Variants in GPC5 observed in about 807,000 individuals in gnomAD.
GPC5 encodes glypican-5.
A neutral mutation model predicts 53.9 loss-of-function variants in GPC5; 47 were observed. That is an observed-to-expected ratio of 0.87 (90% CI 0.69 to 1.11). The LOEUF (loss-of-function observed/expected upper bound fraction) is 1.11, where lower values mean the gene tolerates loss of function less well. Ranked by LOEUF, GPC5 falls within the 50% of genes most tolerant of loss-of-function variation. GPC5 has a pLI of 0.00. For synonymous variants in GPC5, 286 were observed against 263.3 expected (o/e 1.09, Z -0.84); for missense variants, 748 against 713.1 (o/e 1.05, Z -0.56).
chr13:92,164,446 A>C (rs2042012615), intron 7 of GPC5, among the ~76,000 whole-genome samples: 1 of 152,172 alleles, frequency 6.6e-6, no homozygotes, highest in Non-Finnish European at 1.5e-5. Context: ...GCAGTCATTT[A>C]ATCTTAAAAT....
intron 7 of GPC5, among the ~76,000 whole-genome samples, chr13:92,752,820 AC>A (rs1874637066): frequency 6.6e-6 from 1 of 152,136 alleles, no homozygotes; most frequent in Non-Finnish European, 1.5e-5. Context: ...TATATCCTGC[AC>A]CTGGCTCGGA....
intron 6 of GPC5, among the ~76,000 whole-genome samples, chr13:92,045,934 C>A (rs866418361): frequency 4.6e-5 from 7 of 152,188 alleles, no homozygotes; most frequent in Non-Finnish European, 8.8e-5. Context: ...ATGCCTGAAA[C>A]CCCGTCTCTA....
chr13:91,439,473 C>T (rs192785564), intron 1 of GPC5, among the ~76,000 whole-genome samples: 17 of 152,256 alleles, frequency 1.1e-4, no homozygotes, highest in Admixed American at 3.9e-4. Flanking sequence ...TTTCAAGTGC[C>T]CCAGTTTATA....
chr13:92,751,930 C>T (rs1889415271), intron 7 of GPC5, among the ~76,000 whole-genome samples: 4 of 151,916 alleles, frequency 2.6e-5, no homozygotes, highest in Admixed American at 2.6e-4. Context: ...TGGATCTACT[C>T]GTTTTCAGTT....
chr13:91,965,595 C>G (rs2040173058), intron 6 of GPC5, among the ~76,000 whole-genome samples: 1 of 152,018 alleles, frequency 6.6e-6, no homozygotes, highest in African/African-American at 2.4e-5. Flanking sequence ...GGGATTTTAG[C>G]CAAAGTAAAT....
chr13:92,251,600 A>G (rs2042693150), intron 7 of GPC5, among the ~76,000 whole-genome samples: 1 of 152,070 alleles, frequency 6.6e-6, no homozygotes, highest in South Asian at 2.1e-4. Flanking sequence ...TTCAGTTATA[A>G]AATTAGCTTT....
chr13:92,149,640 C>T (rs1427392414), intron 7 of GPC5, among the ~76,000 whole-genome samples: 3 of 151,804 alleles, frequency 2.0e-5, no homozygotes, highest in South Asian at 2.1e-4. Flanking sequence ...CTTTACTAGC[C>T]GCTGAAGAAT....
At chr13:91,449,622 G>A (rs1157301459) in intron 2 of GPC5, among the ~76,000 whole-genome samples, 1 of 152,106 alleles carries the variant, frequency 6.6e-6, no homozygotes, top group Non-Finnish European at 1.5e-5. Flanking sequence ...ATATATCAAA[G>A]TGCAAGCAAG....
At chr13:91,848,540 T>A (rs1433391859) in intron 5 of GPC5, among the ~76,000 whole-genome samples, 3 of 151,908 alleles carry the variant, frequency 2.0e-5, no homozygotes, top group Non-Finnish European at 4.4e-5. Context: ...CCTATAAGAG[T>A]TAGAAGAACA....
At position 91,829,800 on chromosome 13, in the gene GPC5, C is replaced by T. The variant is rs188064107; in HGVS notation, c.1280+73380C>T. Among the ~76,000 whole-genome samples, 361 of 152,108 alleles carry T rather than the reference C, an allele frequency of 2.4e-3. 2 individuals carry two copies. Among genetic ancestry groups the T allele is most frequent in the Non-Finnish European group, 3.8e-3 (256 of 67,976 alleles). ...GATGCCCCACAAGCCATAAAACCAG[C>T]AAGTTTTTATTAGGGACTTTCAAAA... On this transcript the variant is annotated intron_variant, in intron 5 of 7. Transcript: ENST00000377067.
chr13:91,900,941 C>G (rs764068446), intron 5 of GPC5, among the ~76,000 whole-genome samples: 62 of 152,028 alleles, frequency 4.1e-4, no homozygotes, highest in Non-Finnish European at 7.1e-4. Flanking sequence ...TAGATTCACG[C>G]CTTGCCAAAT....
At chr13:92,357,737 G>A (rs571286489) in intron 7 of GPC5, among the ~76,000 whole-genome samples, 28 of 151,676 alleles carry the variant, frequency 1.8e-4, no homozygotes, top group Non-Finnish European at 2.5e-4. Flanking sequence ...AGAAGAGAGA[G>A]AGGAGAGGTG....
intron 7 of GPC5, among the ~76,000 whole-genome samples, chr13:92,167,364 G>A (rs182178565): frequency 1.7e-4 from 26 of 152,192 alleles, no homozygotes; most frequent in Middle Eastern, 6.8e-3. Flanking sequence ...TGTTGGGAAG[G>A]AATAAGCTCA....
chr13:92,166,995 C>CAT (rs1188961460), intron 7 of GPC5, among the ~76,000 whole-genome samples: 1 of 143,304 alleles, frequency 7.0e-6, no homozygotes, highest in Non-Finnish European at 1.5e-5. Context: ...CACACACACA[C>CAT]ATATACACAC....
At chr13:92,103,978 A>G (rs2041487001) in intron 6 of GPC5, among the ~76,000 whole-genome samples, 1 of 152,168 alleles carries the variant, frequency 6.6e-6, no homozygotes, top group East Asian at 1.9e-4. Flanking sequence ...TGCCCTGACC[A>G]TTATTACCAC....
intron 7 of GPC5, among the ~76,000 whole-genome samples, chr13:92,485,770 G>T (rs4600333): frequency 0.44 from 66,118 of 151,924 alleles, 14,921 homozygotes; most frequent in East Asian, 0.69. Context: ...GAGGTCAGGA[G>T]CTTGAGACCA....
chr13:91,804,851 C>T (rs779848621), intron 5 of GPC5, among the ~76,000 whole-genome samples: 16 of 152,182 alleles, frequency 1.1e-4, no homozygotes, highest in Non-Finnish European at 2.1e-4. Context: ...CACTCAGGCT[C>T]AGGCAGCTGA....
intron 2 of GPC5, among the ~76,000 whole-genome samples, chr13:91,620,480 T>G (rs144911746): frequency 6.6e-6 from 1 of 152,266 alleles, no homozygotes; most frequent in East Asian, 1.9e-4. Flanking sequence ...TGGGTACCCA[T>G]GAAGATTGGG....
chr13:91,760,505 A>G (rs2037387543), intron 5 of GPC5, among the ~76,000 whole-genome samples: 1 of 152,132 alleles, frequency 6.6e-6, no homozygotes, highest in Non-Finnish European at 1.5e-5. Flanking sequence ...TTCCTGTTTT[A>G]TGGGAGGTTA....
Sources: allele counts gnomAD v4.1 joint callset (sites outside exome capture counted in the v4.1 genomes callset), GRCh38; gene constraint gnomAD v4.1.1; transcripts MANE v1.5; gene names NCBI Gene and HGNC (gene_info 2026-07-23, HGNC 2026-07-21).